Variants in PC observed in about 807,000 individuals in gnomAD.
PC encodes pyruvate carboxylase.
Under a neutral mutation model 107.8 loss-of-function variants are expected in PC, and 46 were observed. The ratio of observed to expected loss-of-function variants is 0.43; its 90% CI spans 0.34 to 0.55. PC has a LOEUF of 0.55. Ranked by LOEUF, PC falls within the 20% of genes least tolerant of loss-of-function variation. PC has a pLI of 0.04. For missense variants in PC, 1,241 were observed against 1,643.1 expected (o/e 0.76, Z 4.23); for synonymous variants, 662 against 684.7 (o/e 0.97, Z 0.52).
At position 66,950,378 on chromosome 11, in the gene PC, G is replaced by A. The variant is rs567926638; in HGVS notation, c.-1+2052C>T. Among the ~76,000 whole-genome samples the A allele has an allele frequency of 2.1e-4, 32 of 152,284 alleles. No homozygotes were observed. The South Asian group carries it at 6.2e-3, about 30-fold the overall frequency. Reference sequence around the variant, plus strand: ...ACTCCCAGCTGTCCCGTGCCCTCCCGGCCCCACCTCTTTCTCTGGCCTCGA... The same window carrying A: ...ACTCCCAGCTGTCCCGTGCCCTCCCAGCCCCACCTCTTTCTCTGGCCTCGA... On this transcript the variant is annotated intron_variant, in intron 3 of 22. Transcript: ENST00000393960.
At chr11:66,895,441 G>A (rs1336984362) in intron 3 of PC, among the ~76,000 whole-genome samples, 2 of 152,190 alleles carry the variant, frequency 1.3e-5, no homozygotes, top group African/African-American at 4.8e-5. Context: ...AAAGGAAAGA[G>A]CAGAGAAAGC....
At position 66,870,262 on chromosome 11, in the gene PC, G is replaced by GC. The variant is rs1946667327; in HGVS notation, c.903+39dup. 1 of 1,609,480 alleles carries GC rather than the reference G, an allele frequency of 6.2e-7. No individual in the cohort carries two copies. The highest frequency in any genetic ancestry group is 1.3e-5 in the African/African-American group (1 of 74,962). The stretch of plus-strand genomic sequence containing the variant: ...CACTGTGAGGCCTGCCGGCCTGTGA[G>GC]CACAGGCTCCTGTCCCAACACGGGA... On this transcript the variant is annotated intron_variant, in intron 9 of 22. Transcript: ENST00000393960. This position sits in a 1 kb window ranked among gnomAD's most constrained non-coding sequence, Gnocchi z 6.1.
chr11:66,900,178 G>GTTTTTT lies in PC; in HGVS notation c.1-28025_1-28020dup, dbSNP rs71045968. On this transcript the variant is annotated intron_variant, in intron 3 of 22. Coordinates refer to ENST00000393960, the MANE Select transcript of PC (RefSeq NM_001040716.2). ...CAGGAAGTGTGAGTCCTCCAACGTT[G>GTTTTTT]TTTTTTTTTTTTTTTTTTTTGAGAC... Among the ~76,000 whole-genome samples, 23 of 107,378 alleles carry GTTTTTT rather than the reference G, an allele frequency of 2.1e-4. 1 individual carries two copies. Among genetic ancestry groups the GTTTTTT allele is most frequent in the Non-Finnish European group, 3.0e-4 (17 of 57,132 alleles). 70.4% of individuals were successfully genotyped at this position (107,378 alleles called of 152,430 possible).
chr11:66,873,518 T>TAA (rs1555028643), intron 3 of PC, among the ~76,000 whole-genome samples: 3 of 2,000 alleles, frequency 1.5e-3, no homozygotes, highest in Non-Finnish European at 4.1e-3. Context: ...ATATATTATA[T>TAA]TATATATTAT....
chr11:66,925,493 C>T lies in PC; in HGVS notation c.-1+26937G>A, dbSNP rs184466293. On this transcript the variant is annotated intron_variant, in intron 3 of 22. Transcript: ENST00000393960. ...TATGGCTCTGCTCCGCCCAGCTCAC[C>T]GGCAGTCAGAGCTTAAGGTTCTCTC... is the stretch of plus-strand genomic sequence containing the variant. 4.3e-4 allele frequency among the ~76,000 whole-genome samples: 66 copies of T among 152,312 alleles called. No individual in the cohort carries two copies. The East Asian group carries it at 8.1e-3, about 19-fold the overall frequency.
In PC at chr11:66,871,219, G is replaced by A. The variant is rs766558488; in HGVS notation, c.488-22C>T. ...ACACCTGTTGGGAGAAAGGTGTGGG[G>A]GAGTCTCTGTAACAGGCGGGAATCC... On this transcript the variant is annotated intron_variant, in intron 6 of 22. Coordinates refer to ENST00000393960, the MANE Select transcript of PC (RefSeq NM_001040716.2). This position sits in a 1 kb window ranked among gnomAD's most constrained non-coding sequence, Gnocchi z 7.4. 36 of 1,612,874 alleles carry A rather than the reference G, an allele frequency of 2.2e-5. No homozygotes were observed. Among genetic ancestry groups the A allele is most frequent in the Admixed American group, 3.3e-5 (2 of 59,962 alleles).
intron 3 of PC, among the ~76,000 whole-genome samples, chr11:66,945,869 G>A (rs1237823243): frequency 7.0e-6 from 1 of 141,902 alleles, no homozygotes; most frequent in Non-Finnish European, 1.5e-5. Context: ...GGTGGATCAT[G>A]AGGTCAGGAG....
intron 12 of PC, chr11:66,859,556 G>C: frequency 6.3e-7 from 1 of 1,581,562 alleles, no homozygotes; most frequent in Non-Finnish European, 8.6e-7. Context: ...GGGGTGTTTG[G>C]AGCTGGGAGC....
intron 3 of PC, among the ~76,000 whole-genome samples, chr11:66,941,932 G>A (rs868393546): frequency 2.0e-5 from 3 of 151,848 alleles, no homozygotes; most frequent in Non-Finnish European, 2.9e-5. Context: ...GGGAAACCCC[G>A]TCTCTAATAA....
chr11:66,934,349 C>T (rs774997491), intron 3 of PC: 1 of 152,824 alleles, frequency 6.5e-6, no homozygotes, highest in Non-Finnish European at 1.5e-5. Context: ...TGTGTTATTT[C>T]ATTTGTACAG....
intron 3 of PC, among the ~76,000 whole-genome samples, chr11:66,884,244 CAAAA>C (rs533552926): frequency 1.2e-5 from 1 of 86,476 alleles, no homozygotes; most frequent in Admixed American, 1.3e-4. Context: ...AACTCCATCT[CAAAA>C]AAAAAAAAAA....
chr11:66,875,921 C>T, intron 3 of PC, among the ~76,000 whole-genome samples: 1 of 152,118 alleles, frequency 6.6e-6, no homozygotes, highest in Non-Finnish European at 1.5e-5. Flanking sequence ...GATGGGGTTC[C>T]CGCTGCCGTG....
intron 3 of PC, among the ~76,000 whole-genome samples, chr11:66,942,559 T>C (rs1038942547): frequency 2.6e-5 from 4 of 151,994 alleles, no homozygotes; most frequent in Non-Finnish European, 5.9e-5. Context: ...GAAAGTAGAA[T>C]GGTGGGTGCC....
intron 3 of PC, among the ~76,000 whole-genome samples, chr11:66,901,850 C>T (rs1023035843): frequency 2.0e-5 from 3 of 152,060 alleles, no homozygotes; most frequent in African/African-American, 7.3e-5. Flanking sequence ...GGTGCCTCAA[C>T]TTCCCTTGTT....
chr11:66,931,386 A>G (rs1460957307), intron 3 of PC, among the ~76,000 whole-genome samples: 4 of 50,978 alleles, frequency 7.8e-5, no homozygotes, highest in African/African-American at 1.4e-4. Context: ...CATCTCAAGA[A>G]AAAAAAAAAA....
chr11:66,899,593 C>G (rs563409050), intron 3 of PC, among the ~76,000 whole-genome samples: 2 of 152,192 alleles, frequency 1.3e-5, no homozygotes, highest in East Asian at 3.9e-4. Context: ...TCTTGAACTC[C>G]CAACCTCAAG....
At chr11:66,916,543 C>T (rs1332937697) in intron 3 of PC, among the ~76,000 whole-genome samples, 3 of 152,198 alleles carry the variant, frequency 2.0e-5, no homozygotes, top group Non-Finnish European at 4.4e-5. Context: ...ACAGTTTAGT[C>T]ACCTTAGTCT....
intron 3 of PC, among the ~76,000 whole-genome samples, chr11:66,917,859 G>C (rs972734909): frequency 4.6e-5 from 7 of 152,174 alleles, no homozygotes; most frequent in African/African-American, 1.7e-4. Context: ...CTCATACCCT[G>C]GGGTGAGCTG....
At position 66,866,930 on chromosome 11, in the gene PC, T is replaced by A. The variant is rs1184823634; in HGVS notation, c.1023-581A>T. On this transcript the variant is annotated intron_variant, in intron 10 of 22. Coordinates refer to ENST00000393960, the MANE Select transcript of PC (RefSeq NM_001040716.2). The surrounding 1 kb of genome is among the most constrained non-coding windows in gnomAD (Gnocchi z 5.4). ...GGTGCTGGGTCAGGACCTGTCCTTC[T>A]GAGGCCTGTTTTCCTGCTGGACTTG... Among the ~76,000 whole-genome samples the A allele has an allele frequency of 6.6e-6, 1 of 152,202 alleles. No homozygotes were observed. The highest frequency in any genetic ancestry group is 1.9e-4 in the East Asian group (1 of 5,196).
Sources: gnomAD v4.1 joint callset for allele counts (sites outside exome capture counted in the v4.1 genomes callset) on GRCh38, gnomAD v4.1.1 for gene constraint, Gnocchi (gnomAD v3.1) non-coding constraint, MANE v1.5 for transcripts, NCBI Gene and HGNC (gene_info 2026-07-23, HGNC 2026-07-21) for gene names.